The following CSMD1 variants were observed in gnomAD, a reference collection of about 807,000 sequenced individuals.
CSMD1 encodes the protein CUB and sushi domain-containing protein 1.
A neutral mutation model predicts 417.5 loss-of-function variants in CSMD1; 213 were observed. That is an observed-to-expected ratio of 0.51 (90% CI 0.46 to 0.57). CSMD1 has a LOEUF of 0.57. Among genes scored for constraint, CSMD1 ranks in the 20% least tolerant of loss-of-function variants. The pLI is 0.00. For synonymous variants in CSMD1, 2,862 were observed against 1,736.8 expected (o/e 1.65, Z -16.11); for missense variants, 6,923 against 4,529.7 (o/e 1.53, Z -15.17).
Position 3,992,821 on chromosome 8 carries a change from G to C in CSMD1, c.818+5082C>G, listed in dbSNP as rs545231898. On this transcript the variant is annotated intron_variant, in intron 5 of 69. Coordinates refer to ENST00000635120, the MANE Select transcript of CSMD1 (RefSeq NM_033225.6). ...TAAAGGAAAGCACAAAAAACAATTC[G>C]CCCATTTTAATTGGTGGCACTGCAG... Among the ~76,000 whole-genome samples, 184 of 152,324 alleles carry C rather than the reference G, an allele frequency of 1.2e-3. 1 individual carries two copies. The highest frequency in any genetic ancestry group is 3.4e-3 in the Middle Eastern group (1 of 294).
At chr8:4,116,420 A>G (rs1163032090) in intron 3 of CSMD1, among the ~76,000 whole-genome samples, 2 of 151,856 alleles carry the variant, frequency 1.3e-5, no homozygotes, top group African/African-American at 4.8e-5. Context: ...CGTAAGCTGT[A>G]CACATCAGAT....
intron 3 of CSMD1, among the ~76,000 whole-genome samples, chr8:4,048,647 T>C (rs1003538242): frequency 1.3e-5 from 2 of 152,246 alleles, no homozygotes; most frequent in African/African-American, 4.8e-5. Context: ...TGGGTGTCAA[T>C]CTGACTTCCA....
At chr8:4,398,388 CTTTTTTTTT>C (rs767579097) in intron 3 of CSMD1, among the ~76,000 whole-genome samples, 4 of 114,494 alleles carry the variant, frequency 3.5e-5, no homozygotes, top group African/African-American at 1.4e-4. Flanking sequence ...GCTGCAACTT[CTTTTTTTTT>C]TTTTTTTTTT....
chr8:3,619,354 C>T (rs538619726), intron 7 of CSMD1, among the ~76,000 whole-genome samples: 19 of 149,108 alleles, frequency 1.3e-4, no homozygotes, highest in African/African-American at 4.2e-4. Flanking sequence ...ACATGGAGCA[C>T]GGTAGTTAAT....
chr8:4,083,209 G>C (rs901031909), intron 3 of CSMD1, among the ~76,000 whole-genome samples: 4 of 152,118 alleles, frequency 2.6e-5, no homozygotes, highest in Admixed American at 6.5e-5. Context: ...CACAATGGTT[G>C]AACTAGTTTA....
intron 41 of CSMD1, among the ~76,000 whole-genome samples, chr8:3,122,839 G>T (rs1817286290): frequency 1.3e-5 from 2 of 152,060 alleles, no homozygotes; most frequent in African/African-American, 2.4e-5. Context: ...CGTGAAAATG[G>T]ACTAATATAA....
Position 4,078,878 on chromosome 8 carries a change from TTAATAA to T in CSMD1, c.416-46785_416-46780del, listed in dbSNP as rs1320779373. Reference sequence around the variant, plus strand: ...TAGTGAAAACCTGTCTCTACTAAAATTAATAATAATAATAATAAATATATATATATA... The same window carrying T: ...TAGTGAAAACCTGTCTCTACTAAAATTAATAATAATAAATATATATATATA... On this transcript the variant is annotated intron_variant, in intron 3 of 69. Transcript: ENST00000635120. Among the ~76,000 whole-genome samples the T allele has an allele frequency of 7.1e-5, 9 of 126,654 alleles. No homozygotes were observed. The South Asian group carries it at 1.6e-3, about 23-fold the overall frequency. The allele number at this position is 126,654 out of a possible 152,430, so 83.1% of individuals were successfully genotyped here. A position where few individuals can be genotyped will look rare whatever the true frequency, so the allele number is the denominator to read the frequency against.
chr8:3,249,037 C>G (rs1010701213), intron 26 of CSMD1, among the ~76,000 whole-genome samples: 1 of 152,084 alleles, frequency 6.6e-6, no homozygotes, highest in Non-Finnish European at 1.5e-5. Flanking sequence ...GTTGATAAAC[C>G]AAGTAGCTTC....
At chr8:3,333,064 G>A (rs1396621958) in intron 23 of CSMD1, among the ~76,000 whole-genome samples, 1 of 152,192 alleles carries the variant, frequency 6.6e-6, no homozygotes, top group Non-Finnish European at 1.5e-5. Context: ...GCCCAGAGAA[G>A]ACCACAGCCA....
chr8:3,962,231 T>G (rs947204285), intron 5 of CSMD1, among the ~76,000 whole-genome samples: 1 of 152,188 alleles, frequency 6.6e-6, no homozygotes, highest in Non-Finnish European at 1.5e-5. Flanking sequence ...GTCAAGATTT[T>G]CTTCTGTTCA....
chr8:3,895,602 T>C (rs147503991), intron 5 of CSMD1, among the ~76,000 whole-genome samples: 92 of 152,308 alleles, frequency 6.0e-4, no homozygotes, highest in African/African-American at 1.9e-3. Context: ...CCCATATATG[T>C]ACCATTTAGT....
At chr8:3,520,470 C>T (rs1797461734) in intron 10 of CSMD1, among the ~76,000 whole-genome samples, 1 of 152,160 alleles carries the variant, frequency 6.6e-6, no homozygotes, top group Non-Finnish European at 1.5e-5. Flanking sequence ...GTTACTATTG[C>T]TAGACTGTAG....
chr8:3,212,467 T>A (rs1797667740), intron 30 of CSMD1, among the ~76,000 whole-genome samples: 1 of 151,936 alleles, frequency 6.6e-6, no homozygotes. Flanking sequence ...TCCTACCTCA[T>A]CCTCCCAAGC....
chr8:3,681,813 A>T (rs1042106130), intron 7 of CSMD1, among the ~76,000 whole-genome samples: 1 of 152,236 alleles, frequency 6.6e-6, no homozygotes, highest in Non-Finnish European at 1.5e-5. Context: ...ACAGTAACCC[A>T]AACAGCATGG....
At chr8:3,547,948 T>A (rs1027713595) in intron 10 of CSMD1, among the ~76,000 whole-genome samples, 1 of 152,072 alleles carries the variant, frequency 6.6e-6, no homozygotes, top group Non-Finnish European at 1.5e-5. Context: ...AAGTAGAAAT[T>A]TGCGATACAA....
chr8:4,948,997 T>G (rs1207110554), intron 1 of CSMD1, among the ~76,000 whole-genome samples: 1 of 152,140 alleles, frequency 6.6e-6, no homozygotes, highest in African/African-American at 2.4e-5. Context: ...GGAAGCCTCC[T>G]TCTGTTCTTT....
intron 5 of CSMD1, among the ~76,000 whole-genome samples, chr8:3,926,051 T>TACACACAC (rs752699683): frequency 1.3e-5 from 1 of 76,614 alleles, no homozygotes; most frequent in African/African-American, 7.6e-5. Context: ...ACAAACACCA[T>TACACACAC]ATACACACAC....
intron 26 of CSMD1, among the ~76,000 whole-genome samples, chr8:3,269,060 A>C (rs981234210): frequency 2.0e-5 from 3 of 152,224 alleles, no homozygotes; most frequent in Non-Finnish European, 4.4e-5. Flanking sequence ...AATGTTAGAG[A>C]AAATGAATCA....
intron 47 of CSMD1, among the ~76,000 whole-genome samples, chr8:3,094,760 T>C (rs984710970): frequency 7.4e-5 from 11 of 148,884 alleles, no homozygotes; most frequent in Non-Finnish European, 1.6e-4. Flanking sequence ...ATTCAACATG[T>C]TTTTTGGTCC....
Sources: allele counts gnomAD v4.1 joint callset (sites outside exome capture counted in the v4.1 genomes callset), GRCh38; gene constraint gnomAD v4.1.1; transcripts MANE v1.5; gene names NCBI Gene and HGNC (gene_info 2026-07-23, HGNC 2026-07-21).